Variants in PMS1 observed in about 807,000 individuals in gnomAD.
The protein encoded by PMS1 is PMS1 homolog 1, mismatch repair system component.
A neutral mutation model predicts 93.1 loss-of-function variants in PMS1; 79 were observed. The ratio of observed to expected loss-of-function variants is 0.85; its 90% CI spans 0.71 to 1.02. The LOEUF is 1.02. Among genes scored for constraint, PMS1 ranks in the 50% least tolerant of loss-of-function variants. The pLI is 0.00. For missense variants in PMS1, 1,064 were observed against 1,085.3 expected (o/e 0.98, Z 0.28); for synonymous variants, 335 against 363.4 (o/e 0.92, Z 0.89).
At chr2:189,836,519 A>G (rs1559278831) in intron 5 of PMS1, among the ~76,000 whole-genome samples, 1 of 152,178 alleles carries the variant, frequency 6.6e-6, no homozygotes, top group Non-Finnish European at 1.5e-5. Context: ...CATAGAATTG[A>G]TGAAACGGTA....
intron 1 of PMS1, among the ~76,000 whole-genome samples, chr2:189,787,513 T>C (rs778395335): frequency 6.6e-6 from 1 of 152,210 alleles, no homozygotes. Context: ...TTTACAGTTA[T>C]CTTACATTGA....
At chr2:189,792,854 C>T (rs529288598) in intron 2 of PMS1, among the ~76,000 whole-genome samples, 168 of 151,024 alleles carry the variant, frequency 1.1e-3, no homozygotes, top group Admixed American at 2.2e-3. Context: ...CTTTTTCGCC[C>T]AGGCTGGAGT....
chr2:189,854,413 T>G lies in PMS1; in HGVS notation c.1141T>G (p.Ser381Ala), dbSNP rs2055103066. The G allele has an allele frequency of 6.2e-7, 1 of 1,606,192 alleles. No homozygotes were observed. The highest frequency in any genetic ancestry group is 8.5e-7 in the Non-Finnish European group (1 of 1,174,786). The change falls in exon 9 of 13, where the codon TCA (serine) becomes GCA (alanine). Residue 381 changes from serine (S) to alanine (A), a missense_variant. Coordinates refer to ENST00000441310, the MANE Select transcript of PMS1 (RefSeq NM_000534.5). Reference protein sequence around the residue: ...NKVESSGKNYSNVDTSVIPFQ... With the variant: ...NKVESSGKNYANVDTSVIPFQ... ...AGTGGAATCATCTGGAAAGAATTAT[T>G]CAAATGTTGATACTTCAGTCATTCC...
At chr2:189,804,646 G>C (rs1398513687) in intron 3 of PMS1, among the ~76,000 whole-genome samples, 1 of 152,150 alleles carries the variant, frequency 6.6e-6, no homozygotes, top group Non-Finnish European at 1.5e-5. Flanking sequence ...CAGTAAATCT[G>C]CTTGGTTAGG....
chr2:189,833,708 C>T (rs1255429140), intron 5 of PMS1, among the ~76,000 whole-genome samples: 1 of 152,106 alleles, frequency 6.6e-6, no homozygotes, highest in Non-Finnish European at 1.5e-5. Context: ...TTTTTAAAAA[C>T]CTGAACCCCC....
At chr2:189,842,992 A>G (rs540893371) in intron 5 of PMS1, among the ~76,000 whole-genome samples, 3 of 136,044 alleles carry the variant, frequency 2.2e-5, no homozygotes, top group East Asian at 2.0e-4. Context: ...ACACACATAT[A>G]TGTGTGTGTG....
intron 5 of PMS1, among the ~76,000 whole-genome samples, chr2:189,831,638 C>G (rs2052943269): frequency 6.6e-6 from 1 of 152,120 alleles, no homozygotes; most frequent in Non-Finnish European, 1.5e-5. Flanking sequence ...ATTACACTGA[C>G]ATAATTTTGA....
At chr2:189,818,259 T>G (rs2051501481) in intron 5 of PMS1, 79 bp downstream of exon 5, 1 of 942,982 alleles carries the variant, frequency 1.1e-6, no homozygotes. Flanking sequence ...CAGTTAGATA[T>G]GGGCTATGAC....
chr2:189,794,454 T>G (rs1207971954), intron 2 of PMS1, among the ~76,000 whole-genome samples: 3 of 152,188 alleles, frequency 2.0e-5, no homozygotes, highest in Non-Finnish European at 4.4e-5. Flanking sequence ...AGGAACAAAA[T>G]CTTAGGCATC....
chr2:189,826,843 A>G (rs2052474761), intron 5 of PMS1, among the ~76,000 whole-genome samples: 1 of 152,208 alleles, frequency 6.6e-6, no homozygotes. Flanking sequence ...ATATTAAATT[A>G]ATTAGGTAGT....
chr2:189,843,769 A>G (rs530375807), intron 5 of PMS1, among the ~76,000 whole-genome samples, 195 bp from the exon 6 acceptor site: 2 of 152,374 alleles, frequency 1.3e-5, no homozygotes, highest in South Asian at 2.1e-4. Flanking sequence ...TAGATGGTAC[A>G]CTGCAACATA....
At chr2:189,835,936 G>T (rs2053346868) in intron 5 of PMS1, among the ~76,000 whole-genome samples, 2 of 148,436 alleles carry the variant, frequency 1.3e-5, no homozygotes, top group Non-Finnish European at 3.0e-5. Context: ...AAATTCATTG[G>T]TGCTGCTTCT....
At chr2:189,845,511 A>G (rs2054180595) in intron 6 of PMS1, among the ~76,000 whole-genome samples, 1 of 152,126 alleles carries the variant, frequency 6.6e-6, no homozygotes, top group South Asian at 2.1e-4. Context: ...TCATGTTAGC[A>G]ATAAAATCCA....
intron 5 of PMS1, among the ~76,000 whole-genome samples, chr2:189,840,934 G>C (rs2053771016): frequency 6.6e-6 from 1 of 152,164 alleles, no homozygotes; most frequent in Non-Finnish European, 1.5e-5. Flanking sequence ...CTCAATTGGA[G>C]ATTACACAGC....
intron 9 of PMS1, chr2:189,857,579 T>C (rs1191906535): frequency 1.2e-5 from 5 of 401,014 alleles, no homozygotes; most frequent in African/African-American, 8.5e-5. Context: ...TCTTCTTTTT[T>C]TCTTCCTTTT....
chr2:189,877,199 C>G, intron 12 of PMS1, 73 bp from the exon 13 acceptor site: 1 of 1,209,610 alleles, frequency 8.3e-7, no homozygotes, highest in Non-Finnish European at 1.2e-6. Context: ...TTCTGTCTTC[C>G]TTTTTGCCAG....
chr2:189,854,437 C>G lies in PMS1; in HGVS notation c.1165C>G (p.Pro389Ala). The G allele has an allele frequency of 3.7e-6, 6 of 1,608,732 alleles. No individual in the cohort carries two copies. The highest frequency in any genetic ancestry group is 5.1e-6 in the Non-Finnish European group (6 of 1,176,032). Reference sequence around the variant, plus strand: ...TTCAAATGTTGATACTTCAGTCATTCCATTCCAAAATGATATGCATAATGA... The same window carrying G: ...TTCAAATGTTGATACTTCAGTCATTGCATTCCAAAATGATATGCATAATGA... Reference protein sequence around the residue: ...NYSNVDTSVIPFQNDMHNDES... With the variant: ...NYSNVDTSVIAFQNDMHNDES... The change falls in exon 9 of 13, where the codon CCA becomes GCA. Residue 389 changes from proline (P) to alanine (A), a missense_variant. Coordinates refer to ENST00000441310, the MANE Select transcript of PMS1 (RefSeq NM_000534.5).
At chr2:189,832,800 T>G (rs1361371831) in intron 5 of PMS1, among the ~76,000 whole-genome samples, 1 of 152,224 alleles carries the variant, frequency 6.6e-6, no homozygotes, top group Non-Finnish European at 1.5e-5. Context: ...CGTATTTACC[T>G]AACTTTAGTG....
intron 4 of PMS1, among the ~76,000 whole-genome samples, chr2:189,814,061 T>C (rs2051063178): frequency 2.0e-5 from 3 of 152,182 alleles, no homozygotes. Context: ...GCATACCTGC[T>C]CTGACTGCTA....
Sources: gnomAD v4.1 joint callset for allele counts (sites outside exome capture counted in the v4.1 genomes callset) on GRCh38, gnomAD v4.1.1 for gene constraint, MANE v1.5 for transcripts, NCBI Gene and HGNC (gene_info 2026-07-23, HGNC 2026-07-21) for gene names.